CIB4: variants seen among roughly 807,000 people sequenced by gnomAD.
CIB4 encodes calcium and integrin binding family member 4.
In CIB4, 25 loss-of-function variants were observed where a neutral mutation model predicts 25.8. The observed-to-expected ratio is 0.97, with a 90% CI of 0.71 to 1.35. CIB4 has a LOEUF of 1.35. Ranked by LOEUF, CIB4 falls within the 40% of genes most tolerant of loss-of-function variation. The pLI, the probability that CIB4 is intolerant of heterozygous loss-of-function variation, is 0.00. For missense variants in CIB4, 235 were observed against 228.2 expected (o/e 1.03, Z -0.19); for synonymous variants, 75 against 81.4 (o/e 0.92, Z 0.42).
At chr2:26,635,462 G>T (rs1458743624) in intron 2 of CIB4, among the ~76,000 whole-genome samples, 2 of 152,190 alleles carry the variant, frequency 1.3e-5, no homozygotes, top group African/African-American at 4.8e-5. Flanking sequence ...TTTTTTAACT[G>T]GCTAAGTCCA....
At chr2:26,634,259 T>C (rs1479068557) in intron 2 of CIB4, among the ~76,000 whole-genome samples, 1 of 151,978 alleles carries the variant, frequency 6.6e-6, no homozygotes, top group Non-Finnish European at 1.5e-5. Flanking sequence ...CCCCACGGGG[T>C]CAATAGTCCT....
intron 3 of CIB4, among the ~76,000 whole-genome samples, chr2:26,626,696 G>T (rs1025281048): frequency 2.0e-5 from 3 of 152,052 alleles, no homozygotes; most frequent in Non-Finnish European, 2.9e-5. Context: ...AGCAAGTTCG[G>T]GGGGAAGAGG....
At chr2:26,593,363 T>C (rs1337993609) in intron 4 of CIB4, among the ~76,000 whole-genome samples, 2 of 151,654 alleles carry the variant, frequency 1.3e-5, no homozygotes, top group African/African-American at 2.4e-5. Context: ...TACATATACA[T>C]ATATACACAC....
intron 3 of CIB4, among the ~76,000 whole-genome samples, chr2:26,602,278 G>C (rs548653342): frequency 7.8e-4 from 119 of 152,292 alleles, no homozygotes; most frequent in South Asian, 4.1e-3. Context: ...TGTTTGACCA[G>C]GTACGTAGTC....
In CIB4 at chr2:26,589,042, T is replaced by TTCCTCTTCC. The variant is rs1558554715; in HGVS notation, c.329-5145_329-5144insGGAAGAGGA. Among the ~76,000 whole-genome samples, 55 of 47,464 alleles carry TTCCTCTTCC rather than the reference T, an allele frequency of 1.2e-3. 4 individuals are homozygous for TTCCTCTTCC. The highest frequency in any genetic ancestry group is 4.5e-3 in the African/African-American group (52 of 11,454). 31.1% of individuals were successfully genotyped at this position (47,464 alleles called of 152,430 possible). On this transcript the variant is annotated intron_variant, in intron 4 of 6. Coordinates refer to ENST00000288861, the MANE Select transcript of CIB4 (RefSeq NM_001029881.3). ...CTTCTTCTTCTTCTTCTTCTTCTTC[T>TTCCTCTTCC]TCTTCTTCTTCTTCTTCCTCTTCCT...
intron 2 of CIB4, among the ~76,000 whole-genome samples, chr2:26,638,432 G>A (rs1669573363): frequency 6.6e-6 from 1 of 152,100 alleles, no homozygotes; most frequent in Non-Finnish European, 1.5e-5. Context: ...GAAAATGGAG[G>A]ATCGATGTTC....
intron 2 of CIB4, among the ~76,000 whole-genome samples, chr2:26,637,292 T>C (rs1669552342): frequency 6.6e-6 from 1 of 152,164 alleles, no homozygotes; most frequent in Non-Finnish European, 1.5e-5. Flanking sequence ...ATCCAACCCC[T>C]GCAGGCAAAA....
rs990242849 is a variant in CIB4, at chr2:26,635,593, C to T, written c.89+4940G>A. 9.2e-5 allele frequency among the ~76,000 whole-genome samples: 14 copies of T among 152,368 alleles called. No homozygotes were observed. In the East Asian group the frequency reaches 2.5e-3, roughly 27 times the overall value. ...GTGACCAGGGCTTCGTCTGGCTCAACTTGGCCTTGGTAGCCCAGGATGGCC... is the reference window on the plus strand; with the variant it reads ...GTGACCAGGGCTTCGTCTGGCTCAATTTGGCCTTGGTAGCCCAGGATGGCC... On this transcript the variant is annotated intron_variant, in intron 2 of 6. Coordinates refer to ENST00000288861, the MANE Select transcript of CIB4 (RefSeq NM_001029881.3).
chr2:26,641,020 T>A (rs951698618), intron 1 of CIB4, among the ~76,000 whole-genome samples: 1 of 152,192 alleles, frequency 6.6e-6, no homozygotes, highest in Non-Finnish European at 1.5e-5. Context: ...CCAACACATA[T>A]TTGTAAACTT....
At chr2:26,613,735 G>A (rs1296148711) in intron 3 of CIB4, among the ~76,000 whole-genome samples, 3 of 152,220 alleles carry the variant, frequency 2.0e-5, no homozygotes, top group Non-Finnish European at 4.4e-5. Flanking sequence ...TCCTGGAGTT[G>A]TATCCGGTGC....
intron 4 of CIB4, among the ~76,000 whole-genome samples, chr2:26,593,071 G>A (rs1158827686): frequency 6.6e-6 from 1 of 152,076 alleles, no homozygotes; most frequent in Non-Finnish European, 1.5e-5. Flanking sequence ...AGGGTCCAAC[G>A]AACAAAAAGG....
At chr2:26,598,543 T>G (rs1668723321) in intron 3 of CIB4, among the ~76,000 whole-genome samples, 1 of 152,134 alleles carries the variant, frequency 6.6e-6, no homozygotes, top group African/African-American at 2.4e-5. Context: ...CAGGGGACAC[T>G]GTCCCTGAGA....
At chr2:26,639,423 A>C (rs1669595279) in intron 2 of CIB4, among the ~76,000 whole-genome samples, 1 of 138,106 alleles carries the variant, frequency 7.2e-6, no homozygotes, top group Non-Finnish European at 1.5e-5. Context: ...TTCAACTCCC[A>C]CTTATGACTG....
intron 3 of CIB4, among the ~76,000 whole-genome samples, chr2:26,602,348 AGTATTCTAGGGAGT>A (rs1320023944): frequency 6.6e-6 from 1 of 152,152 alleles, no homozygotes; most frequent in African/African-American, 2.4e-5. Context: ...CATTCCAGGG[AGTATTCTAGGGAGT>A]GTATTCTAGG....
At chr2:26,609,680 T>C (rs1203152846) in intron 3 of CIB4, among the ~76,000 whole-genome samples, 5 of 152,072 alleles carry the variant, frequency 3.3e-5, no homozygotes, top group Admixed American at 3.3e-4. Context: ...TTCAACTCCA[T>C]TTTTCAGGGC....
chr2:26,615,508 G>A (rs1669075541), intron 3 of CIB4, among the ~76,000 whole-genome samples: 1 of 152,212 alleles, frequency 6.6e-6, no homozygotes, highest in Non-Finnish European at 1.5e-5. Flanking sequence ...AGAAAGTTGA[G>A]GCCCAGGAAG....
intron 3 of CIB4, among the ~76,000 whole-genome samples, chr2:26,616,414 G>A (rs1669093597): frequency 1.3e-5 from 2 of 152,198 alleles, no homozygotes; most frequent in African/African-American, 4.8e-5. Flanking sequence ...CTTGGGATGG[G>A]AGCCTGGGAG....
In CIB4 at chr2:26,603,266, G is replaced by C. The variant is rs112389655; in HGVS notation, c.187-7949C>G. ...ACACGCAATGACTAAATGGAAGGTG[G>C]GACCCTGGAGGGGATCCTGACACAG... is the stretch of plus-strand genomic sequence containing the variant. On this transcript the variant is annotated intron_variant, in intron 3 of 6. Coordinates refer to ENST00000288861, the MANE Select transcript of CIB4 (RefSeq NM_001029881.3). Among the ~76,000 whole-genome samples, 954 of 152,212 alleles carry C rather than the reference G, an allele frequency of 6.3e-3. 17 individuals carry two copies. Among genetic ancestry groups the C allele is most frequent in the African/African-American group, 0.022 (900 of 41,516 alleles).
chr2:26,583,008 T>C (rs1668378202), intron 5 of CIB4, 95 bp from the exon 6 acceptor site: 3 of 775,218 alleles, frequency 3.9e-6, no homozygotes, highest in African/African-American at 3.4e-5. Context: ...TGCCAGGGGC[T>C]CTCCCACATG....
Sources: allele counts gnomAD v4.1 joint callset (sites outside exome capture counted in the v4.1 genomes callset), GRCh38; gene constraint gnomAD v4.1.1; transcripts MANE v1.5; gene names NCBI Gene and HGNC (gene_info 2026-07-23, HGNC 2026-07-21).